ANKS1B: variants seen among roughly 807,000 people sequenced by gnomAD.
ANKS1B encodes the protein ankyrin repeat and sterile alpha motif domain-containing protein 1B.
In ANKS1B, 36 loss-of-function variants were observed where a neutral mutation model predicts 148.3. That is an observed-to-expected ratio of 0.24 (90% CI 0.19 to 0.32). The LOEUF (loss-of-function observed/expected upper bound fraction) is 0.32, where lower values mean the gene tolerates loss of function less well. ANKS1B is among the 10% of genes least tolerant of loss of function. The probability of loss-of-function intolerance (pLI) is 1.00; values close to 1 mark genes in which losing one functional copy is unlikely to be tolerated. For missense variants in ANKS1B, 1,157 were observed against 1,542.6 expected, an observed-to-expected ratio of 0.75 and a Z score of 4.19; for synonymous variants, 542 against 560.8, an observed-to-expected ratio of 0.97 and a Z score of 0.47.
intron 1 of ANKS1B, among the ~76,000 whole-genome samples, chr12:99,868,992 G>C (rs1292320413): frequency 6.6e-6 from 1 of 152,142 alleles, no homozygotes; most frequent in Non-Finnish European, 1.5e-5. Context: ...GGGAGGCAGA[G>C]GTTGTAGCGA....
intron 8 of ANKS1B, among the ~76,000 whole-genome samples, chr12:99,732,094 A>T (rs2059217609): frequency 6.6e-6 from 1 of 152,232 alleles, no homozygotes; most frequent in African/African-American, 2.4e-5. Context: ...AATGCAAATT[A>T]AAAACATAGG....
At chr12:99,843,827 G>A (rs556377613) in intron 1 of ANKS1B, among the ~76,000 whole-genome samples, 4 of 152,104 alleles carry the variant, frequency 2.6e-5, no homozygotes, top group South Asian at 2.1e-4. Context: ...TTGAGAAATC[G>A]CCACACTGTC....
chr12:98,753,496 C>T (rs1344201297), intron 25 of ANKS1B, among the ~76,000 whole-genome samples: 4 of 152,108 alleles, frequency 2.6e-5, no homozygotes, highest in Non-Finnish European at 4.4e-5. Context: ...GGCACAATCT[C>T]GGCTCACTGC....
intron 8 of ANKS1B, among the ~76,000 whole-genome samples, chr12:99,706,071 AC>A (rs556354516): frequency 8.1e-4 from 124 of 152,258 alleles, no homozygotes; most frequent in Non-Finnish European, 1.6e-3. Context: ...GACTAATCTA[AC>A]CCAAATTTTG....
At chr12:99,078,020 T>TG (rs1326038490) in intron 16 of ANKS1B, among the ~76,000 whole-genome samples, 1 of 152,202 alleles carries the variant, frequency 6.6e-6, no homozygotes, top group Non-Finnish European at 1.5e-5. Flanking sequence ...ACAGTTTTTT[T>TG]GGGGGGTGAG....
chr12:99,163,501 GTGT>G (rs2076894575), intron 14 of ANKS1B, among the ~76,000 whole-genome samples: 1 of 134,674 alleles, frequency 7.4e-6, no homozygotes, highest in Non-Finnish European at 1.5e-5. Flanking sequence ...GTGTGTGTGT[GTGT>G]TTAGTTCTGT....
intron 8 of ANKS1B, among the ~76,000 whole-genome samples, chr12:99,683,235 C>T (rs1325772577): frequency 6.6e-6 from 1 of 151,738 alleles, no homozygotes. Flanking sequence ...ATCATATCAG[C>T]GAGATTAACC....
chr12:99,374,344 G>A (rs1301528966), intron 12 of ANKS1B, among the ~76,000 whole-genome samples: 1 of 152,054 alleles, frequency 6.6e-6, no homozygotes, highest in Non-Finnish European at 1.5e-5. Flanking sequence ...ATTTTCTCTG[G>A]GTATTCTGGT....
At chr12:99,474,726 T>C (rs1308593127) in intron 10 of ANKS1B, among the ~76,000 whole-genome samples, 1 of 152,090 alleles carries the variant, frequency 6.6e-6, no homozygotes, top group East Asian at 1.9e-4. Flanking sequence ...ATAAAGCAAT[T>C]GTGGTATCAT....
chr12:99,719,769 T>C (rs1459310500), intron 8 of ANKS1B, among the ~76,000 whole-genome samples: 2 of 152,190 alleles, frequency 1.3e-5, no homozygotes, highest in Non-Finnish European at 2.9e-5. Flanking sequence ...AAAGCTGCTT[T>C]ACTTCCAAAG....
chr12:99,597,939 AT>A (rs1417554064), intron 9 of ANKS1B, among the ~76,000 whole-genome samples: 2 of 152,020 alleles, frequency 1.3e-5, no homozygotes, highest in Non-Finnish European at 2.9e-5. Context: ...GTGTTAAATT[AT>A]TTTTTAAGTC....
At chr12:99,588,258 A>G (rs763804751) in intron 9 of ANKS1B, among the ~76,000 whole-genome samples, 10 of 152,170 alleles carry the variant, frequency 6.6e-5, no homozygotes, top group Admixed American at 3.3e-4. Flanking sequence ...TTCAATATAA[A>G]TTCACTTGAT....
chr12:99,226,595 C>A (rs2085976033), intron 14 of ANKS1B, among the ~76,000 whole-genome samples: 1 of 152,142 alleles, frequency 6.6e-6, no homozygotes, highest in Non-Finnish European at 1.5e-5. Context: ...GTCACACGGA[C>A]AAACGTATTC....
At position 98,750,233 on chromosome 12, in the gene ANKS1B, G is replaced by A. The variant is rs1021982220; in HGVS notation, c.3747+1122C>T. Among the ~76,000 whole-genome samples the A allele has an allele frequency of 1.1e-4, 16 of 152,190 alleles. No individual in the cohort carries two copies. The East Asian group carries it at 2.7e-3, about 26-fold the overall frequency. On this transcript the variant is annotated intron_variant, in intron 26 of 26. Coordinates refer to ENST00000683438, the MANE Select transcript of ANKS1B (RefSeq NM_001352186.2). ...GACCAGGGGCTCAGAGCGTGGCATC[G>A]GAAGAAAGACTTCAGAGGAGATACA...
rs531694840 is a variant in ANKS1B at position 99,600,590 on chromosome 12, C to T, written c.1272+54477G>A. On this transcript the variant is annotated intron_variant, in intron 9 of 26. Coordinates refer to ENST00000683438, the MANE Select transcript of ANKS1B (RefSeq NM_001352186.2). ...ATCAAATCACTATTCATAGACATGT[C>T]GTTCCAGGCCAGAGAATCCAGCTCT... Among the ~76,000 whole-genome samples the T allele has an allele frequency of 2.0e-5, 3 of 152,118 alleles. 1 individual carries two copies. The highest frequency in any genetic ancestry group is 1.9e-4 in the East Asian group (1 of 5,164).
At chr12:99,199,765 T>C (rs1002955432) in intron 14 of ANKS1B, among the ~76,000 whole-genome samples, 1 of 152,160 alleles carries the variant, frequency 6.6e-6, no homozygotes, top group East Asian at 1.9e-4. Context: ...CTGCCATCCT[T>C]CAGCTATGAT....
intron 9 of ANKS1B, among the ~76,000 whole-genome samples, chr12:99,608,321 C>A (rs1202973342): frequency 6.6e-6 from 1 of 152,046 alleles, no homozygotes; most frequent in Non-Finnish European, 1.5e-5. Context: ...TCCGAAATTC[C>A]TTTGACCAAC....
intron 8 of ANKS1B, among the ~76,000 whole-genome samples, chr12:99,697,140 A>T (rs751004829): frequency 6.6e-6 from 1 of 152,170 alleles, no homozygotes; most frequent in African/African-American, 2.4e-5. Flanking sequence ...GAAGTGCAAA[A>T]TGGTACAGCC....
intron 8 of ANKS1B, among the ~76,000 whole-genome samples, chr12:99,680,364 C>G (rs2098607163): frequency 6.6e-6 from 1 of 152,062 alleles, no homozygotes; most frequent in Non-Finnish European, 1.5e-5. Flanking sequence ...TCACCTGAGC[C>G]CAGGAGGCAG....
Sources: allele counts gnomAD v4.1 joint callset (sites outside exome capture counted in the v4.1 genomes callset), GRCh38; gene constraint gnomAD v4.1.1; transcripts MANE v1.5; gene names NCBI Gene and HGNC (gene_info 2026-07-23, HGNC 2026-07-21).